CAMTA1: variants seen among roughly 807,000 people sequenced by gnomAD.
The protein encoded by CAMTA1 is calmodulin binding transcription activator 1, also known as calmodulin-binding transcription activator 1.
A neutral mutation model predicts 170.9 loss-of-function variants in CAMTA1; 27 were observed. The ratio of observed to expected loss-of-function variants is 0.16; its 90% CI spans 0.12 to 0.22. CAMTA1 has a LOEUF of 0.22. Among genes scored for constraint, CAMTA1 ranks in the 10% least tolerant of loss-of-function variants. CAMTA1 has a pLI of 1.00. For missense variants in CAMTA1, 1,619 were observed against 2,217.2 expected (o/e 0.73, Z 5.42); for synonymous variants, 833 against 891.5 (o/e 0.93, Z 1.17).
At position 6,965,377 on chromosome 1, in the gene CAMTA1, G is replaced by A. The variant is rs1317440607; in HGVS notation, c.235-125927G>A. ...CTAACTTGAGCAGAGGCATTCTGTTGTTATAAATAAGGCTGGTTTTTATAT... is the reference window on the plus strand; with the variant it reads ...CTAACTTGAGCAGAGGCATTCTGTTATTATAAATAAGGCTGGTTTTTATAT... On this transcript the variant is annotated intron_variant, in intron 3 of 22. Coordinates refer to ENST00000303635, the MANE Select transcript of CAMTA1 (RefSeq NM_015215.4). The surrounding 1 kb of genome is among the most constrained non-coding windows in gnomAD (Gnocchi z 4.1). 6.6e-6 allele frequency among the ~76,000 whole-genome samples: 1 copy of A among 152,170 alleles called. No individual in the cohort carries two copies. The highest frequency in any genetic ancestry group is 1.5e-5 in the Non-Finnish European group (1 of 68,026).
intron 4 of CAMTA1, among the ~76,000 whole-genome samples, chr1:7,138,577 C>T (rs1390874893): frequency 6.6e-6 from 1 of 152,202 alleles, no homozygotes; most frequent in Admixed American, 6.5e-5. Context: ...CACAGGCATA[C>T]ACGTCTTTTG....
chr1:7,144,254 T>TGA lies in CAMTA1; in HGVS notation c.302+52884_302+52885insAG, dbSNP rs1474654937. Reference sequence around the variant, plus strand: ...TTTTCTAAGTGTGTGTGTGTGTGTATGTGTGTGTTTGTGTGTATGAGTGTG... The same window carrying TGA: ...TTTTCTAAGTGTGTGTGTGTGTGTATGAGTGTGTGTTTGTGTGTATGAGTGTG... On this transcript the variant is annotated intron_variant, in intron 4 of 22. Coordinates refer to ENST00000303635, the MANE Select transcript of CAMTA1 (RefSeq NM_015215.4). This position sits in a 1 kb window ranked among gnomAD's most constrained non-coding sequence, Gnocchi z 4.0. 1.3e-5 allele frequency among the ~76,000 whole-genome samples: 2 copies of TGA among 151,610 alleles called. No homozygotes were observed. Among genetic ancestry groups the TGA allele is most frequent in the African/African-American group, 4.9e-5 (2 of 40,926 alleles).
At chr1:7,510,013 C>CAAA (rs111430608) in intron 6 of CAMTA1, among the ~76,000 whole-genome samples, 5 of 136,360 alleles carry the variant, frequency 3.7e-5, no homozygotes, top group African/African-American at 1.4e-4. Context: ...AAACAAACAA[C>CAAA]AAAAAAAAAA....
chr1:7,491,102 G>C (rs915937826), intron 6 of CAMTA1, among the ~76,000 whole-genome samples: 2 of 152,270 alleles, frequency 1.3e-5, no homozygotes, highest in Middle Eastern at 3.4e-3. Context: ...GGAGGCTCTA[G>C]CATGGTCTAC....
At chr1:7,415,270 T>G (rs988092123) in intron 5 of CAMTA1, among the ~76,000 whole-genome samples, 6 of 151,558 alleles carry the variant, frequency 4.0e-5, no homozygotes, top group African/African-American at 1.5e-4. Context: ...AGACATCTAT[T>G]AGGTCTGCTT....
intron 4 of CAMTA1, among the ~76,000 whole-genome samples, chr1:7,204,830 CTTTTTTTTTT>C (rs367812076): frequency 1.2e-5 from 1 of 86,828 alleles, no homozygotes; most frequent in South Asian, 4.6e-4. Flanking sequence ...TTCTTTTTTT[CTTTTTTTTTT>C]TTTTTTTGAG....
intron 7 of CAMTA1, among the ~76,000 whole-genome samples, chr1:7,647,154 A>T (rs1269247377): frequency 6.7e-6 from 1 of 149,912 alleles, no homozygotes; most frequent in African/African-American, 2.5e-5. Context: ...GGATCCCCAG[A>T]CCCCCAGCCT....
At chr1:7,306,607 C>T (rs1425920308) in intron 5 of CAMTA1, among the ~76,000 whole-genome samples, 3 of 151,928 alleles carry the variant, frequency 2.0e-5, no homozygotes, top group African/African-American at 7.2e-5. Flanking sequence ...ATTGTTTTGG[C>T]TATACTAATT....
At chr1:7,371,537 G>A (rs1489584055) in intron 5 of CAMTA1, among the ~76,000 whole-genome samples, 1 of 152,200 alleles carries the variant, frequency 6.6e-6, no homozygotes, top group African/African-American at 2.4e-5. Context: ...CGGGATTACA[G>A]GCATGAGCCA....
chr1:7,114,599 A>G lies in CAMTA1; in HGVS notation c.302+23228A>G, dbSNP rs139637684. ...CTTGACATAGGCAAAGAGATTTTTT[A>G]TAAGAAATTGGCTCCTGTGATTATG... On this transcript the variant is annotated intron_variant, in intron 4 of 22. Transcript: ENST00000303635. 5.8e-3 allele frequency among the ~76,000 whole-genome samples: 890 copies of G among 152,362 alleles called. 6 individuals carry two copies. Among genetic ancestry groups the G allele is most frequent in the African/African-American group, 0.02 (848 of 41,582 alleles).
At chr1:6,788,219 A>G (rs752390249) in intron 1 of CAMTA1, among the ~76,000 whole-genome samples, 11 of 125,658 alleles carry the variant, frequency 8.8e-5, no homozygotes, top group Non-Finnish European at 1.6e-4. Flanking sequence ...AATGGCTGCT[A>G]GCCGCTGTCA....
At chr1:7,028,795 G>A (rs4243823) in intron 3 of CAMTA1, among the ~76,000 whole-genome samples, 78,990 of 152,094 alleles carry the variant, frequency 0.52, 21,260 homozygotes, top group African/African-American at 0.67. Flanking sequence ...AGGTGGATAG[G>A]CAAAAATCTC....
intron 3 of CAMTA1, among the ~76,000 whole-genome samples, chr1:7,058,447 A>G (rs935533883): frequency 6.6e-6 from 1 of 152,188 alleles, no homozygotes; most frequent in Non-Finnish European, 1.5e-5. Context: ...TAGAAACCAG[A>G]CGCAACTCAT....
chr1:7,321,374 G>T (rs566690120), intron 5 of CAMTA1, among the ~76,000 whole-genome samples: 1 of 152,318 alleles, frequency 6.6e-6, no homozygotes, highest in South Asian at 2.1e-4. Context: ...AGCAAGTCAG[G>T]TTCTCTGTCA....
rs1246078106 is a variant in CAMTA1, at chr1:7,482,015, C to G, written c.510+14114C>G. ...TTCACCCCCAGAGGCCACCACTGTT[C>G]TGATTTCTCCACTATAGGTTCATTT... On this transcript the variant is annotated intron_variant, in intron 6 of 22. Transcript: ENST00000303635. This position sits in a 1 kb window ranked among gnomAD's most constrained non-coding sequence, Gnocchi z 4.2. Among the ~76,000 whole-genome samples the G allele has an allele frequency of 2.0e-5, 3 of 152,146 alleles. No individual in the cohort carries two copies. The highest frequency in any genetic ancestry group is 7.2e-5 in the African/African-American group (3 of 41,438).
chr1:6,941,897 GC>G (rs1686702371), intron 3 of CAMTA1, among the ~76,000 whole-genome samples: 2 of 152,164 alleles, frequency 1.3e-5, no homozygotes, highest in African/African-American at 4.8e-5. Context: ...AGAGGTGGGA[GC>G]CTTGGCTTGG....
intron 4 of CAMTA1, among the ~76,000 whole-genome samples, chr1:7,119,294 C>T (rs993134136): frequency 2.0e-5 from 3 of 152,088 alleles, no homozygotes; most frequent in South Asian, 2.1e-4. Context: ...TGTCTAAGCC[C>T]GAACCCAGAT....
At chr1:7,122,306 G>A (rs553554205) in intron 4 of CAMTA1, among the ~76,000 whole-genome samples, 4 of 152,126 alleles carry the variant, frequency 2.6e-5, no homozygotes, top group South Asian at 2.1e-4. Context: ...GCACAGCCAC[G>A]TGCACCCCAG....
intron 5 of CAMTA1, among the ~76,000 whole-genome samples, chr1:7,285,948 C>CCT (rs1472661131): frequency 6.6e-6 from 1 of 152,204 alleles, no homozygotes; most frequent in Non-Finnish European, 1.5e-5. Flanking sequence ...CCACATGTGT[C>CCT]CTCTTTTCAC....
Sources: allele counts gnomAD v4.1 joint callset (sites outside exome capture counted in the v4.1 genomes callset), GRCh38; gene constraint gnomAD v4.1.1; non-coding constraint Gnocchi (gnomAD v3.1); transcripts MANE v1.5; gene names NCBI Gene and HGNC (gene_info 2026-07-23, HGNC 2026-07-21).